EPB41L3: variants seen among roughly 807,000 people sequenced by gnomAD.
The protein encoded by EPB41L3 is erythrocyte membrane protein band 4.1 like 3.
EPB41L3 carries 57 observed loss-of-function variants against 127.1 expected under a neutral mutation model. The observed-to-expected ratio is 0.45, with a 90% CI of 0.36 to 0.56. The LOEUF (loss-of-function observed/expected upper bound fraction) is 0.56. Among genes scored for constraint, EPB41L3 ranks in the 20% least tolerant of loss-of-function variants. The pLI is 0.00. For synonymous variants in EPB41L3, 572 were observed against 549.5 expected (o/e 1.04, Z -0.57); for missense variants, 1,273 against 1,372.2 (o/e 0.93, Z 1.14).
chr18:5,585,619 A>G (rs1380569816), intron 3 of EPB41L3, among the ~76,000 whole-genome samples: 1 of 152,194 alleles, frequency 6.6e-6, no homozygotes, highest in Non-Finnish European at 1.5e-5. Context: ...GATTTCCTCA[A>G]AGAGAACCTA....
intron 2 of EPB41L3, among the ~76,000 whole-genome samples, chr18:5,484,993 T>G (rs1599612449): frequency 6.7e-6 from 1 of 148,850 alleles, no homozygotes; most frequent in Admixed American, 6.7e-5. Flanking sequence ...TGCTACAAGG[T>G]CAATATTACT....
At chr18:5,454,764 T>C (rs2082780783) in intron 3 of EPB41L3, among the ~76,000 whole-genome samples, 1 of 152,252 alleles carries the variant, frequency 6.6e-6, no homozygotes, top group Non-Finnish European at 1.5e-5. Context: ...TCTGTTAAAA[T>C]AGGAATATGA....
chr18:5,621,211 C>T (rs141246722), intron 1 of EPB41L3, among the ~76,000 whole-genome samples: 1 of 152,190 alleles, frequency 6.6e-6, no homozygotes, highest in African/African-American at 2.4e-5. Context: ...AAAATCGGAG[C>T]AAGTAAAAAT....
intron 2 of EPB41L3, chr18:5,612,569 C>T (rs747090447): frequency 6.6e-6 from 1 of 152,210 alleles, no homozygotes. Flanking sequence ...CATCTCACTG[C>T]AGATATGCAG....
intron 1 of EPB41L3, among the ~76,000 whole-genome samples, chr18:5,491,456 G>A (rs943969982): frequency 6.6e-6 from 1 of 152,180 alleles, no homozygotes; most frequent in African/African-American, 2.4e-5. Context: ...ACCTGCTTTT[G>A]TCTTAAATCC....
At chr18:5,556,277 G>C (rs537615735) in intron 3 of EPB41L3, among the ~76,000 whole-genome samples, 13 of 152,208 alleles carry the variant, frequency 8.5e-5, no homozygotes, top group Non-Finnish European at 1.6e-4. Context: ...AATCAACAAG[G>C]CTTTTCAGAT....
chr18:5,408,927 TAGAAG>T (rs2075846295), intron 14 of EPB41L3, among the ~76,000 whole-genome samples: 1 of 152,206 alleles, frequency 6.6e-6, no homozygotes, highest in Non-Finnish European at 1.5e-5. Flanking sequence ...GCCCTTGTGC[TAGAAG>T]AGGAGACCCA....
intron 3 of EPB41L3, among the ~76,000 whole-genome samples, chr18:5,469,889 C>T (rs1387414931): frequency 4.0e-5 from 6 of 151,806 alleles, no homozygotes; most frequent in Non-Finnish European, 8.8e-5. Flanking sequence ...AAGCAAGTCT[C>T]CTGCCTCAGC....
At chr18:5,454,165 G>A (rs1430685125) in intron 3 of EPB41L3, among the ~76,000 whole-genome samples, 2 of 147,136 alleles carry the variant, frequency 1.4e-5, no homozygotes, top group Non-Finnish European at 3.0e-5. Flanking sequence ...CTATAACATT[G>A]CCTTGAAATT....
Position 5,393,393 on chromosome 18 carries a change from A to T in EPB41L3, c.*92T>A, listed in dbSNP as rs1364099966. ...AATTTTCCACGGACAGATACAAGTCAGTTGGGTTAGAAGAGGGAACTCCAT... is the reference window on the plus strand; with the variant it reads ...AATTTTCCACGGACAGATACAAGTCTGTTGGGTTAGAAGAGGGAACTCCAT... On this transcript the variant is annotated 3_prime_UTR_variant, in exon 23 of 23. Transcript: ENST00000341928. 2 of 664,604 alleles carry T rather than the reference A, an allele frequency of 3.0e-6. No individual in the cohort carries two copies. The highest frequency in any genetic ancestry group is 3.6e-5 in the African/African-American group (2 of 55,216). 41.2% of individuals were successfully genotyped at this position (664,604 alleles called of 1,614,324 possible). A position where few individuals can be genotyped will look rare whatever the true frequency, so the allele number is the denominator to read the frequency against.
chr18:5,433,136 G>A (rs1328881572), intron 8 of EPB41L3, among the ~76,000 whole-genome samples: 5 of 152,196 alleles, frequency 3.3e-5, no homozygotes, highest in Admixed American at 3.3e-4. Context: ...AAATACGACT[G>A]TGATGGGGAG....
At chr18:5,544,339 C>G, upstream of EPB41L3, 1 of 985,170 alleles carries the variant, frequency 1.0e-6, no homozygotes, top group Middle Eastern at 5.2e-4. Context: ...CCAGACATCC[C>G]CTGTGAGAAA....
intron 12 of EPB41L3, among the ~76,000 whole-genome samples, chr18:5,419,472 GAA>G (rs1374572687): frequency 6.6e-6 from 1 of 152,190 alleles, no homozygotes; most frequent in Non-Finnish European, 1.5e-5. Context: ...GACAGCTATT[GAA>G]AGTCTTACAT....
At chr18:5,595,189 T>C (rs1408808453) in intron 3 of EPB41L3, among the ~76,000 whole-genome samples, 2 of 152,150 alleles carry the variant, frequency 1.3e-5, no homozygotes, top group Admixed American at 1.3e-4. Flanking sequence ...ATACCCTCCA[T>C]TGAAAGAAAT....
chr18:5,515,463 A>C lies in EPB41L3; in HGVS notation c.-11-26269T>G, dbSNP rs141201662. On this transcript the variant is annotated intron_variant, in intron 1 of 22. Coordinates refer to ENST00000341928, the MANE Select transcript of EPB41L3 (RefSeq NM_012307.5). ...GGAATTGAGTCTAAGCATAAAAAAC[A>C]GGGAAGTAGAAAGCAATACTAGAAA... 4.4e-3 allele frequency among the ~76,000 whole-genome samples: 669 copies of C among 152,342 alleles called. 1 individual carries two copies. The highest frequency in any genetic ancestry group is 0.015 in the African/African-American group (635 of 41,566).
chr18:5,548,204 A>G (rs1436917826), upstream of EPB41L3, among the ~76,000 whole-genome samples: 2 of 152,238 alleles, frequency 1.3e-5, no homozygotes, highest in Non-Finnish European at 2.9e-5. Context: ...AATAAGAGAA[A>G]TACAGGGATG....
chr18:5,438,005 T>C, intron 6 of EPB41L3, 30 bp downstream of exon 6: 4 of 1,604,134 alleles, frequency 2.5e-6, no homozygotes, highest in Non-Finnish European at 3.4e-6. Flanking sequence ...CCCAATATGC[T>C]TGTCTTTTGC....
intron 3 of EPB41L3, among the ~76,000 whole-genome samples, chr18:5,593,894 G>A (rs564880344): frequency 7.4e-4 from 113 of 152,316 alleles, no homozygotes; most frequent in East Asian, 3.7e-3. Context: ...GCTCACCGGC[G>A]GTCAGAGTTT....
At chr18:5,538,864 T>C (rs1418669940) in intron 1 of EPB41L3, among the ~76,000 whole-genome samples, 1 of 152,144 alleles carries the variant, frequency 6.6e-6, no homozygotes, top group Non-Finnish European at 1.5e-5. Context: ...GATCTACCAA[T>C]TTGAGCTACA....
Sources: gnomAD v4.1 joint callset for allele counts (sites outside exome capture counted in the v4.1 genomes callset) on GRCh38, gnomAD v4.1.1 for gene constraint, MANE v1.5 for transcripts, NCBI Gene and HGNC (gene_info 2026-07-23, HGNC 2026-07-21) for gene names.